FIGN: variants seen among roughly 807,000 people sequenced by gnomAD.
FIGN encodes the protein fidgetin, microtubule severing factor.
Under a neutral mutation model 51.3 loss-of-function variants are expected in FIGN, and 11 were observed. The ratio of observed to expected loss-of-function variants is 0.21; its 90% CI spans 0.13 to 0.35. The LOEUF (loss-of-function observed/expected upper bound fraction) is 0.35. Ranked by LOEUF, FIGN falls within the 10% of genes least tolerant of loss-of-function variation. The pLI is 1.00. For missense variants in FIGN, 857 were observed against 943.6 expected (o/e 0.91, Z 1.20); for synonymous variants, 407 against 363.2 (o/e 1.12, Z -1.37).
At position 163,691,212 on chromosome 2, in the gene FIGN, A is replaced by G. The variant is rs1684234244; in HGVS notation, c.25+43691T>C. On this transcript the variant is annotated intron_variant, in intron 2 of 2. Transcript: ENST00000333129. ...TCTAGAGGTCACAAACTGACAGCCT[A>G]TGTACAAAACACAGACTGCACACTG... 3.9e-5 allele frequency among the ~76,000 whole-genome samples: 6 copies of G among 152,190 alleles called. No individual in the cohort carries two copies. In the South Asian group the frequency reaches 1.2e-3, roughly 31 times the overall value.
chr2:163,645,452 A>C (rs1482929574), intron 2 of FIGN, among the ~76,000 whole-genome samples: 1 of 152,232 alleles, frequency 6.6e-6, no homozygotes, highest in Non-Finnish European at 1.5e-5. Flanking sequence ...TATGCCAAAC[A>C]AAGTGGAGTT....
intron 2 of FIGN, among the ~76,000 whole-genome samples, chr2:163,660,853 G>GTATATAGA (rs1683661175): frequency 2.8e-5 from 1 of 36,320 alleles, no homozygotes; most frequent in Non-Finnish European, 4.8e-5. Context: ...ATATATATAT[G>GTATATAGA]TATACATATA....
intron 2 of FIGN, among the ~76,000 whole-genome samples, chr2:163,614,238 A>T (rs114835699): frequency 0.01 from 1,562 of 152,262 alleles, 28 homozygotes; most frequent in Middle Eastern, 0.051. Flanking sequence ...GGGTGAAATG[A>T]CCGAAACCAC....
chr2:163,732,818 A>T (rs933330330), intron 2 of FIGN, among the ~76,000 whole-genome samples: 1 of 152,232 alleles, frequency 6.6e-6, no homozygotes, highest in Admixed American at 6.5e-5. Context: ...GATCAATGTG[A>T]CAAGGCAGTC....
intron 2 of FIGN, among the ~76,000 whole-genome samples, chr2:163,622,961 C>T (rs1036340717): frequency 1.3e-4 from 20 of 152,132 alleles, no homozygotes; most frequent in African/African-American, 4.6e-4. Context: ...TCAAATTCTC[C>T]CTGCTACCTC....
At chr2:163,668,368 C>G (rs1459595543) in intron 2 of FIGN, among the ~76,000 whole-genome samples, 5 of 152,046 alleles carry the variant, frequency 3.3e-5, no homozygotes, top group Admixed American at 6.5e-5. Context: ...TGTGATCACC[C>G]AAACTAAGAG....
rs1298300977 is a variant in FIGN, at chr2:163,611,466, G to A, written c.366C>T (p.Asn122=). The A allele has an allele frequency of 3.1e-6, 5 of 1,614,090 alleles. No individual in the cohort carries two copies. The African/African-American group carries it at 4.0e-5, about 13-fold the overall frequency. ...TGGCAGTGATAACATCCGGAACACA[G>A]TTCATGGGATAAACAGCTTCTGAAT... ...SLNSEAVYPM[N]CVPDVITASK... Residue 122 remains asparagine (N), a synonymous_variant, in exon 3 of 3, where the codon AAC becomes AAT. Coordinates refer to ENST00000333129, the MANE Select transcript of FIGN (RefSeq NM_018086.4).
chr2:163,690,435 A>G (rs1573952900), intron 2 of FIGN, among the ~76,000 whole-genome samples: 1 of 152,208 alleles, frequency 6.6e-6, no homozygotes, highest in East Asian at 1.9e-4. Flanking sequence ...AAAAAGCCGT[A>G]GAGCTGGGTG....
rs1299202747 is a variant in FIGN at position 163,608,187 on chromosome 2, T to C, written c.*1365A>G. 6.6e-6 allele frequency: 1 copy of C among 152,532 alleles called. No individual in the cohort carries two copies. The highest frequency in any genetic ancestry group is 1.5e-5 in the Non-Finnish European group (1 of 68,036). 9.4% of individuals were successfully genotyped at this position (152,532 alleles called of 1,614,324 possible). ...GAGCACTACAGCCCAGATTTCAAAA[T>C]GAGAAGCAAAATTGCACTGACAAGA... is the stretch of plus-strand genomic sequence containing the variant. On this transcript the variant is annotated 3_prime_UTR_variant, in exon 3 of 3. Coordinates refer to ENST00000333129, the MANE Select transcript of FIGN (RefSeq NM_018086.4).
chr2:163,603,716 CT>C lies in FIGN; in HGVS notation c.*5835del, dbSNP rs1027114885. On this transcript the variant is annotated 3_prime_UTR_variant, in exon 3 of 3. Transcript: ENST00000333129. ...GTTGTGGATTGTCACAGTTCATTTG[CT>C]TTTGTAAAATATCCACAATTTGCTG... 6 of 152,036 alleles carry C rather than the reference CT, an allele frequency of 3.9e-5. No homozygotes were observed. The highest frequency in any genetic ancestry group is 1.2e-4 in the African/African-American group (5 of 41,438). The allele number at this position is 152,036 out of a possible 1,614,324, so 9.4% of individuals were successfully genotyped here.
chr2:163,603,938 A>G lies in FIGN; in HGVS notation c.*5614T>C, dbSNP rs1371550594. 1 of 152,158 alleles carries G rather than the reference A, an allele frequency of 6.6e-6. No homozygotes were observed. The highest frequency in any genetic ancestry group is 1.9e-4 in the East Asian group (1 of 5,200). 9.4% of individuals were successfully genotyped at this position (152,158 alleles called of 1,614,324 possible). ...TGCCATTAGTTGTACAATTGCTTCAATAAACAAATACATGTTATAAAGGGA... is the reference window on the plus strand; with the variant it reads ...TGCCATTAGTTGTACAATTGCTTCAGTAAACAAATACATGTTATAAAGGGA... On this transcript the variant is annotated 3_prime_UTR_variant, in exon 3 of 3. Coordinates refer to ENST00000333129, the MANE Select transcript of FIGN (RefSeq NM_018086.4).
At chr2:163,612,409 T>C (rs1691285569) in intron 2 of FIGN, 1 of 985,310 alleles carries the variant, frequency 1.0e-6, no homozygotes, top group African/African-American at 1.7e-5. Context: ...ACATAGCAGG[T>C]CATTCCATAA....
At chr2:163,647,891 C>T (rs914146635) in intron 2 of FIGN, among the ~76,000 whole-genome samples, 5 of 151,704 alleles carry the variant, frequency 3.3e-5, no homozygotes, top group East Asian at 1.9e-4. Context: ...TGTAGAGAGA[C>T]GGAGAGATAA....
chr2:163,616,056 A>T (rs1023692244), intron 2 of FIGN, among the ~76,000 whole-genome samples: 3 of 150,424 alleles, frequency 2.0e-5, no homozygotes, highest in East Asian at 3.9e-4. Context: ...GGATGACTCC[A>T]TGTATATATA....
chr2:163,703,031 T>C lies in FIGN; in HGVS notation c.25+31872A>G, dbSNP rs986380058. ...AATCTGCTCAGGGTGATTATTTAGC[T>C]TTTTTTTTTTTTTTGGTATTTGCAG... On this transcript the variant is annotated intron_variant, in intron 2 of 2. Transcript: ENST00000333129. Among the ~76,000 whole-genome samples the C allele has an allele frequency of 3.7e-5, 5 of 135,600 alleles. No individual in the cohort carries two copies. The East Asian group carries it at 6.2e-4, about 17-fold the overall frequency. 89.0% of individuals were successfully genotyped at this position (135,600 alleles called of 152,430 possible).
intron 2 of FIGN, chr2:163,612,643 C>G (rs1225778378): frequency 1.0e-6 from 1 of 983,146 alleles, no homozygotes; most frequent in Non-Finnish European, 1.2e-6. Context: ...CCCTCCTTCT[C>G]TTATAATCCC....
rs573811455 is a variant in FIGN, at chr2:163,730,054, C to T, written c.25+4849G>A. Among the ~76,000 whole-genome samples the T allele has an allele frequency of 8.5e-5, 13 of 152,320 alleles. No individual in the cohort carries two copies. The East Asian group carries it at 1.9e-3, about 23-fold the overall frequency. ...GACTACTGTTGTCAACAGGTACTTA[C>T]GGATGTGCTGTATTGAGGCAGCGCT... On this transcript the variant is annotated intron_variant, in intron 2 of 2. Coordinates refer to ENST00000333129, the MANE Select transcript of FIGN (RefSeq NM_018086.4).
At chr2:163,693,081 G>A (rs182853506) in intron 2 of FIGN, among the ~76,000 whole-genome samples, 1 of 152,320 alleles carries the variant, frequency 6.6e-6, no homozygotes, top group East Asian at 1.9e-4. Flanking sequence ...GCAGGGCAGA[G>A]TGAACCAGAG....
intron 2 of FIGN, among the ~76,000 whole-genome samples, chr2:163,621,364 G>T (rs1682969463): frequency 6.6e-6 from 1 of 152,088 alleles, no homozygotes; most frequent in Admixed American, 6.6e-5. Flanking sequence ...TATAGTCAGG[G>T]CTGGGTGACA....
Sources: gnomAD v4.1 joint callset for allele counts (sites outside exome capture counted in the v4.1 genomes callset) on GRCh38, gnomAD v4.1.1 for gene constraint, MANE v1.5 for transcripts, NCBI Gene and HGNC (gene_info 2026-07-23, HGNC 2026-07-21) for gene names.